MBP: variants seen among roughly 807,000 people sequenced by gnomAD.
MBP encodes Golli-MBP.
Under a neutral mutation model 35.8 loss-of-function variants are expected in MBP, and 16 were observed. The observed-to-expected ratio is 0.45, with a 90% confidence interval of 0.30 to 0.68. MBP has a LOEUF of 0.68. Among genes scored for constraint, MBP ranks in the 30% least tolerant of loss-of-function variants. MBP has a pLI of 0.08. For missense variants in MBP, 380 were observed against 404.7 expected (o/e 0.94, Z 0.52); for synonymous variants, 143 against 159.6 (o/e 0.90, Z 0.78).
rs890302160 is a variant in MBP, at chr18:77,020,398, T to C, written c.140-3130A>G. On this transcript the variant is annotated intron_variant, in intron 3 of 8. Coordinates refer to ENST00000355994, the MANE Select transcript of MBP (RefSeq NM_001025101.2). The surrounding 1 kb of genome is among the most constrained non-coding windows in gnomAD (Gnocchi z 4.1). ...TCTACGTCGGTTTCCACAAAGGACC[T>C]CTTTCAGTAACTGCCCTGGGGTCCC... is the stretch of plus-strand genomic sequence containing the variant. 6.6e-6 allele frequency among the ~76,000 whole-genome samples: 1 copy of C among 152,124 alleles called. No individual in the cohort carries two copies. The highest frequency in any genetic ancestry group is 1.5e-5 in the Non-Finnish European group (1 of 68,002).
intron 3 of MBP, among the ~76,000 whole-genome samples, chr18:77,042,296 CCTGACTCTCAGTCTCCCCAGGGGAT>C (rs1399500943): frequency 1.0e-4 from 15 of 145,536 alleles, no homozygotes; most frequent in African/African-American, 4.0e-4. Flanking sequence ...CCCCGGGGGA[CCTGACTCTCAGTCTCCCCAGGGGAT>C]CTGACTCTCA....
chr18:77,042,408 T>G (rs996006275), intron 3 of MBP, among the ~76,000 whole-genome samples: 1 of 152,182 alleles, frequency 6.6e-6, no homozygotes, highest in Non-Finnish European at 1.5e-5. Flanking sequence ...AAACAGAGTG[T>G]CAGGCTTAAC....
intron 4 of MBP, chr18:77,005,649 T>A (rs957196281): frequency 2.6e-5 from 4 of 152,262 alleles, no homozygotes; most frequent in African/African-American, 9.7e-5. Context: ...TGATATGAGG[T>A]TCACCGCTCG....
At position 77,131,095 on chromosome 18, in the gene MBP, A is replaced by G. The variant is rs932864097; in HGVS notation, c.-26+1485T>C. ...CGCGCGCACGCACGCGCACACACAC[A>G]CACACACACACACACACACACACAC... On this transcript the variant is annotated intron_variant, in intron 1 of 8. Transcript: ENST00000355994. This position sits in a 1 kb window ranked among gnomAD's most constrained non-coding sequence, Gnocchi z 5.5. Among the ~76,000 whole-genome samples the G allele has an allele frequency of 0.013, 782 of 58,984 alleles. 28 individuals are homozygous for G. In the South Asian group the frequency reaches 0.23, roughly 17 times the overall value. 38.7% of individuals were successfully genotyped at this position (58,984 alleles called of 152,430 possible).
chr18:77,115,994 T>C (rs1430836062), intron 1 of MBP, among the ~76,000 whole-genome samples: 1 of 148,464 alleles, frequency 6.7e-6, no homozygotes. Context: ...TGTGCAGCAC[T>C]TTACTGGGCA....
intron 2 of MBP, 142 bp from the exon 3 acceptor site, chr18:77,066,527 T>C: frequency 1.3e-6 from 1 of 780,648 alleles, no homozygotes; most frequent in South Asian, 1.4e-5. Flanking sequence ...TATAGAGCCT[T>C]GGTTCAGAGG....
At chr18:77,073,706 G>A (rs1327876144) in intron 2 of MBP, among the ~76,000 whole-genome samples, 8 of 152,174 alleles carry the variant, frequency 5.3e-5, no homozygotes, top group Non-Finnish European at 1.2e-4. Context: ...TCCAGAATAC[G>A]GGTGGATCCT....
intron 3 of MBP, among the ~76,000 whole-genome samples, chr18:77,029,460 G>A (rs1389095923): frequency 7.6e-6 from 1 of 131,370 alleles, no homozygotes; most frequent in Non-Finnish European, 1.6e-5. Context: ...GGGAGGGGGA[G>A]GGGGAGAGGG....
At chr18:77,052,084 C>T (rs1973511282) in intron 3 of MBP, among the ~76,000 whole-genome samples, 1 of 152,082 alleles carries the variant, frequency 6.6e-6, no homozygotes, top group African/African-American at 2.4e-5. Flanking sequence ...TGCAAGCTGC[C>T]CTCCCGAGAC....
intron 4 of MBP, among the ~76,000 whole-genome samples, chr18:77,001,825 G>A (rs549605407): frequency 7.9e-5 from 12 of 152,128 alleles, no homozygotes; most frequent in Non-Finnish European, 1.5e-4. Flanking sequence ...ACTCCAGCCT[G>A]GGTGACAAAG....
chr18:77,086,692 T>C (rs182602803), intron 2 of MBP, among the ~76,000 whole-genome samples: 1 of 152,346 alleles, frequency 6.6e-6, no homozygotes, highest in African/African-American at 2.4e-5. Flanking sequence ...TCCTAGTCTT[T>C]ATAGTTTAAT....
chr18:76,990,148 G>T, intron 4 of MBP, 88 bp from the exon 5 acceptor site: 1 of 774,664 alleles, frequency 1.3e-6, no homozygotes, highest in Non-Finnish European at 2.1e-6. Flanking sequence ...CTCCTCCTTT[G>T]TAATCTGGAT....
At chr18:76,987,566 CCTT>C in intron 7 of MBP, 1 of 985,238 alleles carries the variant, frequency 1.0e-6, no homozygotes, top group Non-Finnish European at 1.2e-6. Flanking sequence ...TGTTCTTTCT[CCTT>C]GTTGTTTTTC....
At chr18:76,991,210 C>G (rs3829622) in intron 4 of MBP, among the ~76,000 whole-genome samples, 1 of 151,748 alleles carries the variant, frequency 6.6e-6, no homozygotes, top group Admixed American at 6.6e-5. Flanking sequence ...TTCCACATCT[C>G]GAGTAAGAGG....
chr18:76,986,845 C>A (rs994542702), intron 7 of MBP: 2 of 985,326 alleles, frequency 2.0e-6, no homozygotes, highest in Non-Finnish European at 2.4e-6. Context: ...TAACAATCTG[C>A]GCGGCCTTTC....
chr18:77,012,534 T>G (rs1410615679), intron 4 of MBP, among the ~76,000 whole-genome samples: 4 of 151,706 alleles, frequency 2.6e-5, no homozygotes, highest in Admixed American at 6.6e-5. Flanking sequence ...AGCAGATGAG[T>G]GAGCAACTGT....
chr18:77,099,018 C>T (rs1300619512), intron 2 of MBP, among the ~76,000 whole-genome samples: 1 of 151,960 alleles, frequency 6.6e-6, no homozygotes, highest in Non-Finnish European at 1.5e-5. Flanking sequence ...ATCCTCCTTC[C>T]CTCCTCCTCA....
chr18:76,990,936 G>T, intron 4 of MBP: 1 of 286,046 alleles, frequency 3.5e-6, no homozygotes, highest in Non-Finnish European at 7.2e-6. Context: ...CAAGCAAATA[G>T]AGGGGAAGTG....
intron 3 of MBP, among the ~76,000 whole-genome samples, chr18:77,024,294 G>A (rs1241657470): frequency 1.3e-5 from 2 of 150,096 alleles, no homozygotes; most frequent in African/African-American, 5.1e-5. Context: ...TGTATTTTAT[G>A]TGTGACCCAA....
Sources: gnomAD v4.1 joint callset for allele counts (sites outside exome capture counted in the v4.1 genomes callset) on GRCh38, gnomAD v4.1.1 for gene constraint, Gnocchi (gnomAD v3.1) non-coding constraint, MANE v1.5 for transcripts, NCBI Gene and HGNC (gene_info 2026-07-23, HGNC 2026-07-21) for gene names.